The following PRIM2 variants were observed in gnomAD, a reference collection of about 807,000 sequenced individuals.
The protein encoded by PRIM2 is DNA primase large subunit.
A neutral mutation model predicts 67.3 loss-of-function variants in PRIM2; 39 were observed. That is an observed-to-expected ratio of 0.58 (90% CI 0.45 to 0.76). The LOEUF is 0.76. Ranked by LOEUF, PRIM2 falls within the 30% of genes least tolerant of loss-of-function variation. PRIM2 has a pLI of 0.00. For missense variants in PRIM2, 398 were observed against 598.7 expected (o/e 0.66, Z 3.50); for synonymous variants, 143 against 198.7 (o/e 0.72, Z 2.36).
Position 57,573,222 on chromosome 6 carries a change from A to G in PRIM2, c.1021-27871A>G, listed in dbSNP as rs1356138430. The stretch of plus-strand genomic sequence containing the variant: ...TCTTTAAGCTGCACATCAAAATAGT[A>G]TTATTCCCGTAATTTTACATGTGTT... On this transcript the variant is annotated intron_variant, in intron 10 of 13. Transcript: ENST00000615550. 1.4e-3 allele frequency among the ~76,000 whole-genome samples: 213 copies of G among 152,338 alleles called. 5 individuals carry two copies. In the East Asian group the frequency reaches 0.019, roughly 14 times the overall value.
rs1372550419 is a variant in PRIM2 at position 57,543,780 on chromosome 6, T to A, written c.1020+6155T>A. Among the ~76,000 whole-genome samples, 490 of 152,338 alleles carry A rather than the reference T, an allele frequency of 3.2e-3. 1 individual carries two copies. Among genetic ancestry groups the A allele is most frequent in the African/African-American group, 0.011 (467 of 41,584 alleles). On this transcript the variant is annotated intron_variant, in intron 10 of 13. Transcript: ENST00000615550. The stretch of plus-strand genomic sequence containing the variant: ...TTTTTTAACACTTTGCTTTTAAAAC[T>A]AATGTTATACTTAATGTTGGAGGGG...
At chr6:57,353,139 C>CAAAA (rs57281233) in intron 5 of PRIM2, among the ~76,000 whole-genome samples, 240 of 58,458 alleles carry the variant, frequency 4.1e-3, no homozygotes, top group African/African-American at 0.011. Context: ...GGTGAAATCC[C>CAAAA]AAAAAAAAAA....
chr6:57,636,320 T>C (rs1777120470), intron 13 of PRIM2, among the ~76,000 whole-genome samples: 1 of 152,186 alleles, frequency 6.6e-6, no homozygotes, highest in South Asian at 2.1e-4. Context: ...AGGATTTAGA[T>C]GTGGATACCT....
the PRIM2 span, among the ~76,000 whole-genome samples, chr6:57,231,062 G>C: frequency 6.6e-6 from 1 of 152,124 alleles, no homozygotes; most frequent in Non-Finnish European, 1.5e-5. Flanking sequence ...AAATGTGTAG[G>C]TACATTTTTT....
At chr6:57,480,718 T>C (rs1184365658) in intron 7 of PRIM2, among the ~76,000 whole-genome samples, 3 of 152,164 alleles carry the variant, frequency 2.0e-5, no homozygotes, top group Admixed American at 1.3e-4. Flanking sequence ...AACCTCCGCC[T>C]CCCAGGTTCA....
intron 7 of PRIM2, among the ~76,000 whole-genome samples, chr6:57,415,564 C>T (rs1426670679): frequency 2.6e-5 from 4 of 152,312 alleles, no homozygotes; most frequent in Middle Eastern, 6.8e-3. Flanking sequence ...TTGATGTCCG[C>T]TGACTAATCA....
intron 7 of PRIM2, among the ~76,000 whole-genome samples, chr6:57,413,917 A>G (rs1262358197): frequency 6.8e-4 from 103 of 152,252 alleles, no homozygotes; most frequent in African/African-American, 2.4e-3. Context: ...TGAAGAGTAC[A>G]GATGCTTTAA....
chr6:57,304,810 C>G, the PRIM2 span, among the ~76,000 whole-genome samples: 3 of 152,182 alleles, frequency 2.0e-5, no homozygotes, highest in Non-Finnish European at 1.5e-5. Context: ...ACATACTCGA[C>G]TACTCCTAGG....
chr6:57,408,520 T>C (rs1770976880), intron 7 of PRIM2, among the ~76,000 whole-genome samples: 1 of 152,196 alleles, frequency 6.6e-6, no homozygotes, highest in African/African-American at 2.4e-5. Flanking sequence ...GAAGATTTTA[T>C]TGTGCTTTTG....
intron 10 of PRIM2, among the ~76,000 whole-genome samples, chr6:57,599,671 C>G (rs1776426111): frequency 6.6e-6 from 1 of 152,148 alleles, no homozygotes; most frequent in Admixed American, 6.5e-5. Context: ...TAAGATCTGT[C>G]TATTGGATCT....
intron 10 of PRIM2, among the ~76,000 whole-genome samples, chr6:57,593,452 A>T: frequency 6.6e-6 from 1 of 152,078 alleles, no homozygotes; most frequent in East Asian, 1.9e-4. Flanking sequence ...ACAGGCATGC[A>T]CCACCACACC....
At chr6:57,613,668 G>A (rs1207702184) in intron 12 of PRIM2, among the ~76,000 whole-genome samples, 1 of 152,198 alleles carries the variant, frequency 6.6e-6, no homozygotes, top group Non-Finnish European at 1.5e-5. Flanking sequence ...AGCAATAGCA[G>A]TATGTCAGCC....
chr6:57,387,716 T>G (rs1488283929), intron 7 of PRIM2, among the ~76,000 whole-genome samples: 3 of 151,842 alleles, frequency 2.0e-5, no homozygotes, highest in Admixed American at 2.0e-4. Flanking sequence ...AGATAGATTT[T>G]TTTTGCTTCA....
chr6:57,378,288 A>T (rs551807070), intron 5 of PRIM2, among the ~76,000 whole-genome samples: 2 of 151,066 alleles, frequency 1.3e-5, no homozygotes, highest in African/African-American at 4.9e-5. Context: ...CTGGTCTCAA[A>T]CTCCTGGATT....
At chr6:57,422,902 A>G (rs1298862040) in intron 7 of PRIM2, among the ~76,000 whole-genome samples, 1 of 152,188 alleles carries the variant, frequency 6.6e-6, no homozygotes, top group Non-Finnish European at 1.5e-5. Context: ...GAGATGCCCC[A>G]TTTACTTGAA....
chr6:57,252,578 T>C, the PRIM2 span, among the ~76,000 whole-genome samples: 1 of 152,182 alleles, frequency 6.6e-6, no homozygotes, highest in Non-Finnish European at 1.5e-5. Flanking sequence ...GTAGTTGGGA[T>C]TACAGGCACA....
intron 7 of PRIM2, among the ~76,000 whole-genome samples, chr6:57,465,000 G>A (rs1259094479): frequency 6.6e-6 from 1 of 152,134 alleles, no homozygotes; most frequent in Non-Finnish European, 1.5e-5. Flanking sequence ...TGGCAACTAT[G>A]TCTTTATAGT....
the PRIM2 span, among the ~76,000 whole-genome samples, chr6:57,250,005 T>A: frequency 2.0e-5 from 3 of 152,228 alleles, no homozygotes; most frequent in South Asian, 6.2e-4. Flanking sequence ...TGTATCTTCC[T>A]GTGTTAGTGC....
chr6:57,336,359 C>G (rs537312860), intron 5 of PRIM2, among the ~76,000 whole-genome samples: 1 of 151,714 alleles, frequency 6.6e-6, no homozygotes, highest in African/African-American at 2.4e-5. Context: ...ATACAGAGAA[C>G]GCCACAAAGA....
Sources: gnomAD v4.1 joint callset for allele counts (sites outside exome capture counted in the v4.1 genomes callset) on GRCh38, gnomAD v4.1.1 for gene constraint, MANE v1.5 for transcripts, NCBI Gene and HGNC (gene_info 2026-07-23, HGNC 2026-07-21) for gene names.